The following PPP2R5E variants were observed in gnomAD, a reference collection of about 807,000 sequenced individuals.
PPP2R5E encodes serine/threonine-protein phosphatase 2A 56 kDa regulatory subunit epsilon isoform.
Under a neutral mutation model 65.3 loss-of-function variants are expected in PPP2R5E, and 4 were observed. That is an observed-to-expected ratio of 0.06 (90% CI 0.03 to 0.14). The LOEUF is 0.14. PPP2R5E is among the 10% of genes least tolerant of loss of function. PPP2R5E has a pLI of 1.00. For missense variants in PPP2R5E, 274 were observed against 556.1 expected, an observed-to-expected ratio of 0.49 and a Z score of 5.10; for synonymous variants, 183 against 187.4, an observed-to-expected ratio of 0.98 and a Z score of 0.19.
chr14:63,468,411 T>C (rs1319774433), intron 2 of PPP2R5E, among the ~76,000 whole-genome samples: 3 of 152,200 alleles, frequency 2.0e-5, no homozygotes, highest in Non-Finnish European at 4.4e-5. Flanking sequence ...AAAATAAAGT[T>C]GTAACTTGAT....
At chr14:63,454,642 A>G (rs374745567) in intron 2 of PPP2R5E, among the ~76,000 whole-genome samples, 6 of 152,322 alleles carry the variant, frequency 3.9e-5, no homozygotes, top group Admixed American at 6.5e-5. Flanking sequence ...GTTTCTAAAA[A>G]ATATGTAGAA....
At chr14:63,384,665 C>A in intron 11 of PPP2R5E, 94 bp from the exon 12 acceptor site, 1 of 1,074,816 alleles carries the variant, frequency 9.3e-7, no homozygotes, top group Non-Finnish European at 1.3e-6. Context: ...TTTCAAAAGG[C>A]TATTTGTAAA....
chr14:63,509,731 A>C (rs1385741366), intron 2 of PPP2R5E, among the ~76,000 whole-genome samples: 3 of 152,240 alleles, frequency 2.0e-5, no homozygotes, highest in African/African-American at 7.2e-5. Flanking sequence ...GTGGACTAAC[A>C]GAACCCATAT....
chr14:63,482,058 C>G lies in PPP2R5E; in HGVS notation c.158-28173G>C, dbSNP rs141936621. Reference sequence around the variant, plus strand: ...ACATTTTAAAATATCCTAGAAATTACACGTTATGCAACTATGTAAACATGT... The same window carrying G: ...ACATTTTAAAATATCCTAGAAATTAGACGTTATGCAACTATGTAAACATGT... On this transcript the variant is annotated intron_variant, in intron 2 of 13. Coordinates refer to ENST00000337537, the MANE Select transcript of PPP2R5E (RefSeq NM_006246.5). 3.0e-3 allele frequency among the ~76,000 whole-genome samples: 463 copies of G among 152,308 alleles called. 4 individuals carry two copies. Among genetic ancestry groups the G allele is most frequent in the African/African-American group, 0.01 (425 of 41,560 alleles).
rs982195433 is a variant in PPP2R5E, at chr14:63,425,341, T to A, written c.355-3247A>T. On this transcript the variant is annotated intron_variant, in intron 3 of 13. Transcript: ENST00000337537. ...CTTCCCTTCAACCAGCCAGCTATAATGTAATTGACAGGGCAAAGGTTCTTT... is the reference window on the plus strand; with the variant it reads ...CTTCCCTTCAACCAGCCAGCTATAAAGTAATTGACAGGGCAAAGGTTCTTT... Among the ~76,000 whole-genome samples the A allele has an allele frequency of 3.9e-5, 6 of 152,240 alleles. No individual in the cohort carries two copies. In the South Asian group the frequency reaches 6.2e-4, roughly 16 times the overall value.
At chr14:63,460,248 C>T (rs1356715851) in intron 2 of PPP2R5E, among the ~76,000 whole-genome samples, 2 of 152,136 alleles carry the variant, frequency 1.3e-5, no homozygotes, top group African/African-American at 4.8e-5. Context: ...ATTAATATCC[C>T]AGTTTTTCAA....
chr14:63,433,011 TTTTG>T (rs1198738383), intron 3 of PPP2R5E, among the ~76,000 whole-genome samples: 1 of 146,906 alleles, frequency 6.8e-6, no homozygotes, highest in Non-Finnish European at 1.5e-5. Flanking sequence ...CCACATACAG[TTTTG>T]TTTTTTGTTT....
intron 12 of PPP2R5E, among the ~76,000 whole-genome samples, chr14:63,383,833 G>T (rs931402331): frequency 5.9e-5 from 9 of 152,016 alleles, no homozygotes; most frequent in South Asian, 2.1e-4. Context: ...TACATATAGC[G>T]ACTGAGTTGG....
Position 63,395,312 on chromosome 14 carries a change from G to T in PPP2R5E, c.681-27C>A, listed in dbSNP as rs1277776111. 2.6e-6 allele frequency: 4 copies of T among 1,511,354 alleles called. No individual in the cohort carries two copies. In the South Asian group the frequency reaches 3.4e-5, roughly 13 times the overall value. 93.6% of individuals were successfully genotyped at this position (1,511,354 alleles called of 1,614,324 possible). On this transcript the variant is annotated intron_variant, in intron 6 of 13. Transcript: ENST00000337537. ...TGAGAGAAGAGGAGAAAAGGGAGGA[G>T]AAAGGAGGAGAGGAGGAGGAGAAGG...
At chr14:63,397,373 G>C (rs1885458154) in intron 5 of PPP2R5E, among the ~76,000 whole-genome samples, 1 of 151,784 alleles carries the variant, frequency 6.6e-6, no homozygotes, top group South Asian at 2.1e-4. Context: ...GTGGTGGCGG[G>C]CACCTGTAAT....
chr14:63,470,859 T>C (rs1890094313), intron 2 of PPP2R5E, among the ~76,000 whole-genome samples: 1 of 150,070 alleles, frequency 6.7e-6, no homozygotes, highest in Non-Finnish European at 1.5e-5. Flanking sequence ...AGCATCCTAA[T>C]AAAAAGATAA....
intron 2 of PPP2R5E, among the ~76,000 whole-genome samples, chr14:63,479,938 C>G (rs984716654): frequency 3.1e-4 from 47 of 152,270 alleles, no homozygotes; most frequent in Admixed American, 2.2e-3. Context: ...GGTCGCTACT[C>G]AAATTTGAAT....
At chr14:63,413,751 C>A (rs138049195) in intron 5 of PPP2R5E, among the ~76,000 whole-genome samples, 2 of 152,258 alleles carry the variant, frequency 1.3e-5, no homozygotes, top group African/African-American at 4.8e-5. Context: ...ACAATCCATA[C>A]CAATTTACCT....
At chr14:63,387,754 C>T (rs1377831807) in intron 11 of PPP2R5E, among the ~76,000 whole-genome samples, 1 of 152,142 alleles carries the variant, frequency 6.6e-6, no homozygotes, top group Admixed American at 6.5e-5. Flanking sequence ...TATATTTGGA[C>T]ACAAGACTTT....
At chr14:63,424,306 G>A (rs1341666197) in intron 3 of PPP2R5E, among the ~76,000 whole-genome samples, 1 of 152,114 alleles carries the variant, frequency 6.6e-6, no homozygotes, top group Non-Finnish European at 1.5e-5. Context: ...ACATATTAAG[G>A]GAGCAGTATC....
intron 11 of PPP2R5E, 33 bp downstream of exon 11, chr14:63,389,579 T>C (rs1346010870): frequency 1.9e-6 from 3 of 1,561,382 alleles, no homozygotes; most frequent in East Asian, 2.3e-5. Context: ...AAATAACTCA[T>C]GCTCCCTGGC....
At chr14:63,507,575 CTTTTTTTTTTT>C (rs756154248) in intron 2 of PPP2R5E, among the ~76,000 whole-genome samples, 5 of 105,500 alleles carry the variant, frequency 4.7e-5, no homozygotes, top group African/African-American at 1.2e-4. Flanking sequence ...GGGTAATTCT[CTTTTTTTTTTT>C]TTTTTTTTTT....
intron 5 of PPP2R5E, among the ~76,000 whole-genome samples, chr14:63,402,538 C>T (rs1011521077): frequency 2.6e-5 from 4 of 152,196 alleles, no homozygotes; most frequent in African/African-American, 9.6e-5. Context: ...AAACTATTAA[C>T]ATCTTCAAAG....
intron 2 of PPP2R5E, among the ~76,000 whole-genome samples, chr14:63,463,877 T>C (rs1208856346): frequency 1.3e-5 from 2 of 152,102 alleles, no homozygotes; most frequent in Non-Finnish European, 2.9e-5. Flanking sequence ...ATTACAGGCG[T>C]GAGCCATCGC....
Sources: gnomAD v4.1 joint callset for allele counts (sites outside exome capture counted in the v4.1 genomes callset) on GRCh38, gnomAD v4.1.1 for gene constraint, MANE v1.5 for transcripts, NCBI Gene and HGNC (gene_info 2026-07-23, HGNC 2026-07-21) for gene names.